The following UTRN variants were observed in gnomAD, a reference collection of about 807,000 sequenced individuals.
UTRN encodes dystrophin-related protein 1.
In UTRN, 283 loss-of-function variants were observed where a neutral mutation model predicts 463.9. The ratio of observed to expected loss-of-function variants is 0.61; its 90% CI spans 0.55 to 0.67. The LOEUF is 0.67. Ranked by LOEUF, UTRN falls within the 30% of genes least tolerant of loss-of-function variation. The probability of loss-of-function intolerance (pLI) is 0.00; values close to 1 mark genes in which losing one functional copy is unlikely to be tolerated. For synonymous variants in UTRN, 1,442 were observed against 1,431.5 expected, an observed-to-expected ratio of 1.01 and a Z score of -0.17; for missense variants, 3,922 against 4,084.3, an observed-to-expected ratio of 0.96 and a Z score of 1.08.
intron 2 of UTRN, chr6:144,398,270 C>G: frequency 3.7e-6 from 1 of 272,496 alleles, no homozygotes; most frequent in Non-Finnish European, 7.5e-6. Context: ...TCTTAACAAC[C>G]ATCATTGCCT....
Position 144,521,970 on chromosome 6 carries a change from G to GT in UTRN, c.5542-5dup. ...ATATATATATATTTTTTTTTTTGCTGTTTTTGTAGGCAATCCCTATTCAAC... is the reference window on the plus strand; with the variant it reads ...ATATATATATATTTTTTTTTTTGCTGTTTTTTGTAGGCAATCCCTATTCAAC... On this transcript the variant is annotated splice_polypyrimidine_tract_variant and intron_variant, in intron 39 of 74. Transcript: ENST00000367545. 1.4e-6 allele frequency: 2 copies of GT among 1,415,140 alleles called. No homozygotes were observed. The highest frequency in any genetic ancestry group is 1.8e-6 in the Non-Finnish European group (2 of 1,093,232). 87.7% of individuals were successfully genotyped at this position (1,415,140 alleles called of 1,614,324 possible).
chr6:144,474,669 T>C lies in UTRN; in HGVS notation c.3246T>C (p.Asn1082=). Residue 1082 remains asparagine (N), a synonymous_variant, in exon 25 of 75, where the codon AAT becomes AAC. Coordinates refer to ENST00000367545, the MANE Select transcript of UTRN (RefSeq NM_007124.3). ...SLKNMKEIET[N]LRSGPVAGIK... is the part of the protein sequence containing the mutation. ...AAAACATGAAGGAAATAGAGACTAA[T>C]CTTCGAAGTGGTCCAGTTGCTGGAA... 1.2e-6 allele frequency: 2 copies of C among 1,613,994 alleles called. No individual in the cohort carries two copies. Among genetic ancestry groups the C allele is most frequent in the Non-Finnish European group, 1.7e-6 (2 of 1,179,938 alleles).
chr6:144,436,044 T>A lies in UTRN; in HGVS notation c.965T>A (p.Leu322Gln). The change falls in exon 10 of 75, where the codon CTG becomes CAG. Residue 322 changes from leucine (L) to glutamine (Q), a missense_variant. Around this residue, in one of 3 missense-constraint regions of UTRN, gnomAD observed 2,349 missense variants for 2,303.8 expected, o/e 1.02. Transcript: ENST00000367545. ...TATCAGATTGCGTTGGAGGAAGTGCTGACCTGGTTGCTTTCTGCTGAGGAC... is the reference window on the plus strand; with the variant it reads ...TATCAGATTGCGTTGGAGGAAGTGCAGACCTGGTTGCTTTCTGCTGAGGAC... The part of the protein sequence containing the change: ...DSYQIALEEV[L>Q]TWLLSAEDTF... 1 of 1,614,258 alleles carries A rather than the reference T, an allele frequency of 6.2e-7. No homozygotes were observed. Among genetic ancestry groups the A allele is most frequent in the Non-Finnish European group, 8.5e-7 (1 of 1,180,046 alleles).
rs1454231135 is a variant in UTRN at position 144,774,377 on chromosome 6, A to G, written c.8632+13A>G. 5 of 1,566,714 alleles carry G rather than the reference A, an allele frequency of 3.2e-6. No individual in the cohort carries two copies. Among genetic ancestry groups the G allele is most frequent in the East Asian group, 2.3e-5 (1 of 43,470 alleles). ...AAAGCACTATGTTGTGAGTTATTCT[A>G]CCAAAGTTAATCAATCTGTTACTTG... On this transcript the variant is annotated intron_variant, in intron 60 of 74. Transcript: ENST00000367545.
At chr6:144,382,773 A>G (rs888831317) in intron 2 of UTRN, among the ~76,000 whole-genome samples, 2 of 152,210 alleles carry the variant, frequency 1.3e-5, no homozygotes. Flanking sequence ...TGTCTGGCAC[A>G]TAGAAAGTGT....
At chr6:144,551,959 T>A (rs1798958622) in intron 48 of UTRN, among the ~76,000 whole-genome samples, 1 of 152,180 alleles carries the variant, frequency 6.6e-6, no homozygotes, top group Non-Finnish European at 1.5e-5. Context: ...CCCTGGTGAA[T>A]GTTAATTTCT....
chr6:144,401,051 C>G (rs932593445), intron 2 of UTRN, among the ~76,000 whole-genome samples: 2 of 152,074 alleles, frequency 1.3e-5, no homozygotes, highest in African/African-American at 4.8e-5. Flanking sequence ...AAGTTAAATG[C>G]TCCGGAAACA....
intron 54 of UTRN, among the ~76,000 whole-genome samples, chr6:144,736,244 T>C (rs759968708): frequency 3.9e-5 from 6 of 152,224 alleles, no homozygotes; most frequent in Non-Finnish European, 8.8e-5. Context: ...ACATTAGTTA[T>C]CCTGTTTGAT....
intron 17 of UTRN, 90 bp downstream of exon 17, chr6:144,448,859 A>G: frequency 7.3e-7 from 1 of 1,370,042 alleles, no homozygotes; most frequent in South Asian, 1.5e-5. Context: ...CATTAATCAT[A>G]GGCAAATCTA....
At chr6:144,647,896 T>A (rs1778442127) in intron 51 of UTRN, among the ~76,000 whole-genome samples, 1 of 152,232 alleles carries the variant, frequency 6.6e-6, no homozygotes, top group South Asian at 2.1e-4. Flanking sequence ...AATGCCTGAA[T>A]AAAGGACCAC....
intron 54 of UTRN, among the ~76,000 whole-genome samples, chr6:144,732,703 GTTAT>G (rs1788864478): frequency 6.6e-6 from 1 of 150,812 alleles, no homozygotes; most frequent in Non-Finnish European, 1.5e-5. Flanking sequence ...GTTATGTTAT[GTTAT>G]GTTATGTTAT....
At chr6:144,690,130 T>TGTG (rs1562770946) in intron 52 of UTRN, among the ~76,000 whole-genome samples, 3 of 115,222 alleles carry the variant, frequency 2.6e-5, no homozygotes, top group Non-Finnish European at 5.2e-5. Flanking sequence ...TGTGTGTGTG[T>TGTG]TAAGCTACCA....
chr6:144,576,133 T>G (rs1417192528), intron 50 of UTRN, among the ~76,000 whole-genome samples: 3 of 152,166 alleles, frequency 2.0e-5, no homozygotes, highest in Non-Finnish European at 4.4e-5. Flanking sequence ...TGTATAAATA[T>G]AGTGTATTTT....
intron 43 of UTRN, among the ~76,000 whole-genome samples, chr6:144,536,010 G>A (rs1797498458): frequency 6.6e-6 from 1 of 152,076 alleles, no homozygotes; most frequent in Non-Finnish European, 1.5e-5. Context: ...GAACTCCTAG[G>A]CTCAAGTGAT....
intron 64 of UTRN, among the ~76,000 whole-genome samples, chr6:144,798,472 C>G (rs1241382564): frequency 2.0e-5 from 3 of 152,186 alleles, no homozygotes; most frequent in African/African-American, 7.2e-5. Context: ...AGGAGCACTG[C>G]TAAATGCCAT....
At chr6:144,318,318 G>A (rs1339653477) in intron 2 of UTRN, among the ~76,000 whole-genome samples, 1 of 151,946 alleles carries the variant, frequency 6.6e-6, no homozygotes, top group Non-Finnish European at 1.5e-5. Context: ...TTTCTGAGAT[G>A]GAGTCTCATT....
intron 52 of UTRN, among the ~76,000 whole-genome samples, chr6:144,698,277 A>G (rs1428001024): frequency 2.0e-5 from 3 of 152,184 alleles, no homozygotes; most frequent in African/African-American, 7.2e-5. Flanking sequence ...CAGAATCAGG[A>G]CCTTGTTAAC....
chr6:144,637,999 A>G (rs181544197), intron 51 of UTRN, among the ~76,000 whole-genome samples: 102 of 152,368 alleles, frequency 6.7e-4, no homozygotes, highest in African/African-American at 2.4e-3. Context: ...AACCTTATGC[A>G]TCAGACATTG....
intron 7 of UTRN, among the ~76,000 whole-genome samples, chr6:144,428,124 A>G (rs914326466): frequency 6.6e-5 from 10 of 152,168 alleles, no homozygotes; most frequent in Admixed American, 4.6e-4. Flanking sequence ...TAACTTTTGG[A>G]TAAGTCAAAG....
Sources: gnomAD v4.1 joint callset for allele counts (sites outside exome capture counted in the v4.1 genomes callset) on GRCh38, gnomAD v4.1.1 for gene constraint, gnomAD v4.1.1 regional missense constraint, MANE v1.5 for transcripts, NCBI Gene and HGNC (gene_info 2026-07-23, HGNC 2026-07-21) for gene names.